Variants in SLC49A4 observed in about 807,000 individuals in gnomAD.
SLC49A4 encodes the protein solute carrier family 49 member 4.
Under a neutral mutation model 50.6 loss-of-function variants are expected in SLC49A4, and 36 were observed. The ratio of observed to expected loss-of-function variants is 0.71; its 90% CI spans 0.55 to 0.94. SLC49A4 has a LOEUF of 0.94. Among genes scored for constraint, SLC49A4 ranks in the 40% least tolerant of loss-of-function variants. The pLI is 0.00. For synonymous variants in SLC49A4, 248 were observed against 241.2 expected (o/e 1.03, Z -0.26); for missense variants, 503 against 605.7 (o/e 0.83, Z 1.78).
At chr3:122,806,806 T>C (rs1340003194) in intron 1 of SLC49A4, 51 bp from the exon 2 acceptor site, 1 of 1,107,650 alleles carries the variant, frequency 9.0e-7, no homozygotes, top group African/African-American at 1.5e-5. Context: ...ATTTTTAACA[T>C]TGGACTTAGG....
At chr3:122,804,040 A>G (rs2107555783) in intron 1 of SLC49A4, among the ~76,000 whole-genome samples, 1 of 152,284 alleles carries the variant, frequency 6.6e-6, no homozygotes, top group African/African-American at 2.4e-5. Flanking sequence ...GAAATACCTG[A>G]GGCTGGGTAA....
chr3:122,817,545 A>T (rs3898025), intron 2 of SLC49A4, among the ~76,000 whole-genome samples: 20,707 of 150,958 alleles, frequency 0.14, 2,209 homozygotes, highest in East Asian at 0.52. Flanking sequence ...TGTGTGTGTG[A>T]GAGAGAGAGA....
intron 5 of SLC49A4, 26 bp downstream of exon 5, chr3:122,845,897 T>G: frequency 6.6e-7 from 1 of 1,517,880 alleles, no homozygotes; most frequent in Non-Finnish European, 9.0e-7. Context: ...CTTTATATGT[T>G]GTAGGTATTT....
intron 2 of SLC49A4, 30 bp downstream of exon 2, chr3:122,806,980 A>G (rs781738323): frequency 3.0e-6 from 4 of 1,317,686 alleles, no homozygotes; most frequent in Non-Finnish European, 4.3e-6. Context: ...TTTCTCCCCC[A>G]TTTTTCATTT....
chr3:122,840,117 TAAGTG>T (rs1936750840), intron 4 of SLC49A4, among the ~76,000 whole-genome samples: 1 of 152,242 alleles, frequency 6.6e-6, no homozygotes. Context: ...GCCGTTATTC[TAAGTG>T]AAGTAACTCA....
intron 2 of SLC49A4, among the ~76,000 whole-genome samples, chr3:122,813,883 G>A (rs1394010705): frequency 6.6e-6 from 1 of 152,148 alleles, no homozygotes; most frequent in Non-Finnish European, 1.5e-5. Context: ...TTTGCACCAT[G>A]CATTAAAACA....
At chr3:122,846,689 GATA>G in intron 5 of SLC49A4, among the ~76,000 whole-genome samples, 1 of 152,350 alleles carries the variant, frequency 6.6e-6, no homozygotes, top group South Asian at 2.1e-4. Context: ...CCACTTGTGT[GATA>G]ATATTAGTCT....
intron 4 of SLC49A4, among the ~76,000 whole-genome samples, chr3:122,842,521 A>G (rs796893710): frequency 1.4e-5 from 2 of 144,188 alleles, no homozygotes; most frequent in African/African-American, 5.0e-5. Context: ...AAGATTGCAG[A>G]TGTTAGATAG....
At chr3:122,867,077 C>T (rs913368207) in intron 7 of SLC49A4, among the ~76,000 whole-genome samples, 8 of 152,252 alleles carry the variant, frequency 5.3e-5, no homozygotes, top group African/African-American at 7.2e-5. Context: ...TCTGATAAGT[C>T]GTTTTGAAGA....
intron 3 of SLC49A4, among the ~76,000 whole-genome samples, chr3:122,827,722 T>C (rs897598724): frequency 6.6e-6 from 1 of 152,218 alleles, no homozygotes; most frequent in Non-Finnish European, 1.5e-5. Flanking sequence ...TTGTAGGTGT[T>C]TACTATATGC....
intron 2 of SLC49A4, among the ~76,000 whole-genome samples, chr3:122,808,765 G>A (rs1295921867): frequency 6.6e-6 from 1 of 152,200 alleles, no homozygotes; most frequent in Non-Finnish European, 1.5e-5. Flanking sequence ...AATAAACCAG[G>A]TGAGAGATGA....
intron 1 of SLC49A4, among the ~76,000 whole-genome samples, chr3:122,805,073 C>G (rs1442508058): frequency 2.0e-5 from 3 of 151,966 alleles, no homozygotes; most frequent in Non-Finnish European, 4.4e-5. Context: ...TTCAGTATCT[C>G]GTAGGGTACC....
intron 4 of SLC49A4, among the ~76,000 whole-genome samples, chr3:122,839,556 T>G (rs946528062): frequency 1.1e-4 from 17 of 151,452 alleles, no homozygotes; most frequent in Middle Eastern, 6.8e-3. Context: ...AAAAAAAATC[T>G]CATCAAAAAG....
chr3:122,852,015 A>G (rs1340328077), intron 5 of SLC49A4, among the ~76,000 whole-genome samples: 1 of 126,166 alleles, frequency 7.9e-6, no homozygotes, highest in Non-Finnish European at 1.6e-5. Context: ...TTTTTTTGAG[A>G]TGGAGTCTTG....
rs1401728757 is a variant in SLC49A4, at chr3:122,833,301, T to A, written c.704-16T>A. ...TGTGTTTCCTGGTTAACATTTTACC[T>A]ATTTTTTTCTTTCAGAATTTGGAGT... On this transcript the variant is annotated splice_polypyrimidine_tract_variant and intron_variant, in intron 3 of 8. Transcript: ENST00000261038. The A allele has an allele frequency of 6.2e-7, 1 of 1,608,942 alleles. No individual in the cohort carries two copies. Among genetic ancestry groups the A allele is most frequent in the East Asian group, 2.2e-5 (1 of 44,796 alleles).
At chr3:122,815,557 A>T (rs974846583) in intron 2 of SLC49A4, among the ~76,000 whole-genome samples, 13 of 152,300 alleles carry the variant, frequency 8.5e-5, no homozygotes, top group Admixed American at 8.5e-4. Context: ...GACAGTTAGG[A>T]GTCTCTGCTG....
intron 5 of SLC49A4, among the ~76,000 whole-genome samples, chr3:122,848,174 T>G (rs918295858): frequency 1.2e-4 from 18 of 152,330 alleles, no homozygotes; most frequent in Admixed American, 6.5e-4. Context: ...GAATTGATTT[T>G]ATATTTATTA....
At chr3:122,837,894 A>G (rs1174326553) in intron 4 of SLC49A4, among the ~76,000 whole-genome samples, 1 of 152,192 alleles carries the variant, frequency 6.6e-6, no homozygotes, top group Non-Finnish European at 1.5e-5. Context: ...AAAAGTGGGC[A>G]AAGGATATGA....
At chr3:122,838,805 C>A (rs1458034353) in intron 4 of SLC49A4, among the ~76,000 whole-genome samples, 1 of 151,864 alleles carries the variant, frequency 6.6e-6, no homozygotes, top group Non-Finnish European at 1.5e-5. Context: ...TGAAAATGAC[C>A]ATACTGCCCA....
Sources: gnomAD v4.1 joint callset for allele counts (sites outside exome capture counted in the v4.1 genomes callset) on GRCh38, gnomAD v4.1.1 for gene constraint, MANE v1.5 for transcripts, NCBI Gene and HGNC (gene_info 2026-07-23, HGNC 2026-07-21) for gene names.